Variants in CTNNBL1 observed in about 807,000 individuals in gnomAD.
CTNNBL1 encodes the protein beta-catenin-like protein 1.
In CTNNBL1, 31 loss-of-function variants were observed where a neutral mutation model predicts 72.7. The observed-to-expected ratio is 0.43, with a 90% CI of 0.32 to 0.58. CTNNBL1 has a LOEUF of 0.58. Among genes scored for constraint, CTNNBL1 ranks in the 20% least tolerant of loss-of-function variants. CTNNBL1 has a pLI of 0.08. For missense variants in CTNNBL1, 534 were observed against 725.1 expected, an observed-to-expected ratio of 0.74 and a Z score of 3.03; for synonymous variants, 240 against 267.3, an observed-to-expected ratio of 0.90 and a Z score of 1.00.
intron 1 of CTNNBL1, among the ~76,000 whole-genome samples, chr20:37,728,150 G>C (rs1026126968): frequency 6.6e-6 from 1 of 152,104 alleles, no homozygotes; most frequent in African/African-American, 2.4e-5. Flanking sequence ...ATAGCCACTG[G>C]CCTCATATGG....
At chr20:37,855,476 A>T (rs566946163) in intron 13 of CTNNBL1, among the ~76,000 whole-genome samples, 1 of 152,232 alleles carries the variant, frequency 6.6e-6, no homozygotes, top group East Asian at 1.9e-4. Flanking sequence ...CTGTTTTATC[A>T]CTGCTGTCCC....
intron 10 of CTNNBL1, among the ~76,000 whole-genome samples, chr20:37,786,483 T>A (rs911958630): frequency 3.3e-5 from 5 of 152,188 alleles, no homozygotes; most frequent in Non-Finnish European, 5.9e-5. Context: ...TTTGTTTTTT[T>A]TGGAGGGCAT....
At chr20:37,866,272 C>G (rs2122874528) in intron 15 of CTNNBL1, among the ~76,000 whole-genome samples, 1 of 152,368 alleles carries the variant, frequency 6.6e-6, no homozygotes, top group South Asian at 2.1e-4. Flanking sequence ...CCCAAGAGGG[C>G]TCTCGGGAAG....
intron 1 of CTNNBL1, among the ~76,000 whole-genome samples, chr20:37,696,435 CTTTT>C (rs57358123): frequency 3.3e-5 from 3 of 89,608 alleles, no homozygotes; most frequent in African/African-American, 9.1e-5. Flanking sequence ...TGTACAATAT[CTTTT>C]TTTTTTTTTT....
At chr20:37,787,991 A>G (rs1351758212) in intron 10 of CTNNBL1, among the ~76,000 whole-genome samples, 1 of 152,158 alleles carries the variant, frequency 6.6e-6, no homozygotes, top group African/African-American at 2.4e-5. Context: ...GCACATTTAC[A>G]TTCCACTCTC....
chr20:37,868,191 G>GT (rs751166374), intron 15 of CTNNBL1, among the ~76,000 whole-genome samples: 18 of 152,004 alleles, frequency 1.2e-4, no homozygotes, highest in Non-Finnish European at 1.9e-4. Flanking sequence ...ACAGAGCAGA[G>GT]TTTTTTTTCC....
intron 3 of CTNNBL1, among the ~76,000 whole-genome samples, chr20:37,740,211 G>A (rs372307513): frequency 2.6e-5 from 4 of 151,538 alleles, no homozygotes; most frequent in African/African-American, 4.8e-5. Context: ...TTTTCATGTC[G>A]AAAAGCAGTT....
chr20:37,776,990 A>G (rs1320069539), intron 7 of CTNNBL1, among the ~76,000 whole-genome samples: 1 of 152,194 alleles, frequency 6.6e-6, no homozygotes, highest in Non-Finnish European at 1.5e-5. Flanking sequence ...ATTAAGCTTC[A>G]TGGTGAGTTT....
At position 37,860,301 on chromosome 20, in the gene CTNNBL1, C is replaced by T; in HGVS notation, c.1560C>T (p.Asn520=). ...GCCAGAGGGTTCACCAGATCCTAAA[C>T]ATGCGAGGAAGCTCCATCAAAATTG... The part of the protein sequence containing the change: ...QIRQRVHQIL[N]MRGSSIKIVR... The change falls in exon 15 of 16, where the codon AAC becomes AAT. Residue 520 remains asparagine, a synonymous_variant. Transcript: ENST00000361383. 13 of 1,614,158 alleles carry T rather than the reference C, an allele frequency of 8.1e-6. No homozygotes were observed. Among genetic ancestry groups the T allele is most frequent in the Non-Finnish European group, 1.1e-5 (13 of 1,179,974 alleles).
intron 10 of CTNNBL1, among the ~76,000 whole-genome samples, chr20:37,802,365 G>C (rs925947242): frequency 2.6e-5 from 4 of 152,182 alleles, no homozygotes; most frequent in African/African-American, 9.6e-5. Context: ...AAGAGGGTAG[G>C]GGGTGTTAAG....
At chr20:37,842,207 A>G (rs2072309819) in intron 12 of CTNNBL1, 132 bp from the exon 13 acceptor site, 3 of 663,252 alleles carry the variant, frequency 4.5e-6, no homozygotes, top group Non-Finnish European at 5.5e-6. Context: ...AGCTTCTCTC[A>G]TCCGCTGTAA....
intron 10 of CTNNBL1, among the ~76,000 whole-genome samples, chr20:37,785,051 T>C (rs2073660488): frequency 6.6e-6 from 1 of 152,140 alleles, no homozygotes; most frequent in South Asian, 2.1e-4. Flanking sequence ...ACTTTAAATA[T>C]GTCATGCCAC....
intron 1 of CTNNBL1, among the ~76,000 whole-genome samples, chr20:37,720,993 A>G (rs1415688709): frequency 6.6e-6 from 1 of 152,188 alleles, no homozygotes; most frequent in Non-Finnish European, 1.5e-5. Context: ...GGGAGGTGAC[A>G]TTTGAGTGGG....
chr20:37,790,163 G>A (rs1029795258), intron 10 of CTNNBL1, among the ~76,000 whole-genome samples: 6 of 152,132 alleles, frequency 3.9e-5, no homozygotes, highest in Non-Finnish European at 5.9e-5. Context: ...GTAAGTTTTC[G>A]CAGGCCCAAT....
At chr20:37,732,602 C>T (rs2073138784) in intron 1 of CTNNBL1, among the ~76,000 whole-genome samples, 1 of 152,202 alleles carries the variant, frequency 6.6e-6, no homozygotes, top group South Asian at 2.1e-4. Context: ...TAGAGCTTTA[C>T]CCCATGTGGT....
In CTNNBL1 at chr20:37,842,059, C is replaced by T. The variant is rs566856087; in HGVS notation, c.1312-280C>T. 1.3e-4 allele frequency among the ~76,000 whole-genome samples: 20 copies of T among 152,292 alleles called. No individual in the cohort carries two copies. The East Asian group carries it at 3.9e-3, about 29-fold the overall frequency. ...CTATTTATTTGTTTTTAACAACGTG[C>T]ATTCCTGGGAGTTCTAGAAGGGCTG... On this transcript the variant is annotated intron_variant, in intron 12 of 15. Transcript: ENST00000361383.
At chr20:37,763,220 G>A (rs888773562) in intron 5 of CTNNBL1, among the ~76,000 whole-genome samples, 8 of 152,160 alleles carry the variant, frequency 5.3e-5, no homozygotes, top group Non-Finnish European at 1.2e-4. Flanking sequence ...CCCCCCAGAT[G>A]TTTTTCTGTT....
At chr20:37,809,357 G>A (rs925760115) in intron 11 of CTNNBL1, among the ~76,000 whole-genome samples, 1 of 152,180 alleles carries the variant, frequency 6.6e-6, no homozygotes, top group African/African-American at 2.4e-5. Flanking sequence ...TAGAATTTCA[G>A]CCAATATGTT....
chr20:37,863,730 T>C (rs536412832), intron 15 of CTNNBL1, among the ~76,000 whole-genome samples: 7 of 152,204 alleles, frequency 4.6e-5, no homozygotes, highest in African/African-American at 1.7e-4. Context: ...CATCCCTTGA[T>C]TGGCCAGCAG....
Sources: gnomAD v4.1 joint callset for allele counts (sites outside exome capture counted in the v4.1 genomes callset) on GRCh38, gnomAD v4.1.1 for gene constraint, MANE v1.5 for transcripts, NCBI Gene and HGNC (gene_info 2026-07-23, HGNC 2026-07-21) for gene names.